Variants in HUWE1 observed in about 807,000 individuals in gnomAD.
The protein encoded by HUWE1 is E3 ubiquitin-protein ligase HUWE1.
HUWE1 carries 18 observed loss-of-function variants against 299.4 expected under a neutral mutation model. The ratio of observed to expected loss-of-function variants is 0.06; its 90% confidence interval spans 0.04 to 0.09. HUWE1 has a LOEUF of 0.09. Among genes scored for constraint, HUWE1 ranks in the 10% least tolerant of loss-of-function variants. The pLI is 1.00. For missense variants in HUWE1, 1,832 were observed against 3,462.3 expected (o/e 0.53, Z 11.82); for synonymous variants, 1,317 against 1,286.1 (o/e 1.02, Z -0.51).
intron 9 of HUWE1, 177 bp from the exon 10 acceptor site, chrX:53,631,791 G>T: frequency 6.7e-6 from 3 of 445,804 alleles, no homozygotes; most frequent in Non-Finnish European, 1.2e-5. Flanking sequence ...CATCTTATAT[G>T]TAGAATATTC....
chrX:53,606,093 A>G (rs2065137941), intron 25 of HUWE1, among the ~76,000 whole-genome samples: 1 of 112,198 alleles, frequency 8.9e-6, no homozygotes, highest in African/African-American at 3.2e-5. Context: ...ACAGGCAACA[A>G]AAACAAAAAA....
chrX:53,623,037 T>C lies in HUWE1; in HGVS notation c.1672+1558A>G, dbSNP rs1444763682. Among the ~76,000 whole-genome samples the C allele has an allele frequency of 2.7e-5, 3 of 111,777 alleles. No homozygotes were observed. In the Admixed American group the frequency reaches 2.8e-4, roughly 11 times the overall value. ...TGTGAGGGATGAATTAAGAAAACCA[T>C]AGGGAAGGAAGTTGGACCTTCACTG... On this transcript the variant is annotated intron_variant, in intron 19 of 83. Transcript: ENST00000262854.
At chrX:53,536,006 C>A in intron 80 of HUWE1, 141 bp downstream of exon 80, 1 of 371,661 alleles carries the variant, frequency 2.7e-6, no homozygotes. Flanking sequence ...ATGTCACTCA[C>A]AAACACCTGC....
intron 23 of HUWE1, among the ~76,000 whole-genome samples, chrX:53,612,462 C>G (rs974660015): frequency 8.9e-6 from 1 of 112,036 alleles, no homozygotes; most frequent in Admixed American, 9.5e-5. Context: ...AGGCCTAGCT[C>G]TCTAAGCATT....
In HUWE1 at chrX:53,534,045, A is replaced by G. The variant is rs782725522; in HGVS notation, c.12984T>C (p.Asp4328=). ...NGIQKFQIHR[D]DRSTDRLPSA... is the part of the protein sequence containing the mutation. ...AAGGCAGGCGATCTGTGGACCTGTC[A>G]TCTCGATGGATCTGAAACTTCTGAA... The change falls in exon 83 of 84, where the codon GAT becomes GAC. Residue 4328 remains aspartate, a synonymous_variant. Transcript: ENST00000262854. The G allele has an allele frequency of 2.5e-6, 3 of 1,209,549 alleles. No homozygotes were observed. The African/African-American group carries it at 5.2e-5, about 21-fold the overall frequency.
chrX:53,563,318 C>G (rs782468442), intron 52 of HUWE1, among the ~76,000 whole-genome samples: 17 of 111,924 alleles, frequency 1.5e-4, no homozygotes, highest in African/African-American at 4.9e-4. Context: ...AGTAGGGTAC[C>G]TTTGCCATTT....
intron 49 of HUWE1, among the ~76,000 whole-genome samples, chrX:53,565,783 C>T (rs992318970): frequency 1.8e-5 from 2 of 109,916 alleles, no homozygotes; most frequent in Non-Finnish European, 3.8e-5. Flanking sequence ...AGGCGTGAGC[C>T]ACCATGCCCA....
chrX:53,667,224 TAC>T (rs1270234905), intron 3 of HUWE1, among the ~76,000 whole-genome samples: 2 of 112,611 alleles, frequency 1.8e-5, no homozygotes, highest in African/African-American at 6.4e-5. Flanking sequence ...ATTTGCATAA[TAC>T]AGAGTATATC....
Position 53,593,385 on chromosome X carries a change from G to A in HUWE1, c.3720C>T (p.Arg1240=), listed in dbSNP as rs2064269596. The A allele has an allele frequency of 6.7e-6, 8 of 1,196,944 alleles. No individual in the cohort carries two copies. The highest frequency in any genetic ancestry group is 9.1e-6 in the Non-Finnish European group (8 of 882,052). ...VQNFPQFSAL[R]FLVVTQKAAF... is the part of the protein sequence containing the mutation. ...TCACTTTCTGAGTTACCACAAGGAAGCGCAGTGCACTGAACTGGGGAAAGT... is the reference window on the plus strand; with the variant it reads ...TCACTTTCTGAGTTACCACAAGGAAACGCAGTGCACTGAACTGGGGAAAGT... Residue 1240 remains arginine, a synonymous_variant, in exon 32 of 84, where the codon CGC becomes CGT. Transcript: ENST00000262854.
chrX:53,599,992 A>G, intron 29 of HUWE1, 126 bp downstream of exon 29: 1 of 601,124 alleles, frequency 1.7e-6, no homozygotes, highest in Admixed American at 2.4e-5. Flanking sequence ...AACAAAGGAC[A>G]CTTAAAAATG....
intron 3 of HUWE1, among the ~76,000 whole-genome samples, chrX:53,671,650 G>A (rs191920552): frequency 8.2e-5 from 9 of 110,309 alleles, no homozygotes; most frequent in Admixed American, 3.8e-4. Context: ...AAAATTAGCC[G>A]GGCGAGGTGG....
At position 53,653,166 on chromosome X, in the gene HUWE1, A is replaced by C. The variant is rs77949392; in HGVS notation, c.45+897T>G. ...GTCTCAAAACAAACAAACAAACAAA[A>C]AAAACTGGAAGAAATGCAGCAAAAT... On this transcript the variant is annotated intron_variant, in intron 4 of 83. Transcript: ENST00000262854. Among the ~76,000 whole-genome samples the C allele has an allele frequency of 2.8e-4, 32 of 112,390 alleles. 1 individual carries two copies. In the East Asian group the frequency reaches 7.5e-3, roughly 26 times the overall value.
intron 2 of HUWE1, chrX:53,683,820 C>A (rs782372767): frequency 7.9e-5 from 19 of 241,873 alleles, no homozygotes; most frequent in African/African-American, 5.3e-4. Flanking sequence ...GCCATCTTAA[C>A]AGCAGGCGGA....
At chrX:53,536,919 A>G (rs1443168923) in intron 78 of HUWE1, among the ~76,000 whole-genome samples, 3 of 112,445 alleles carry the variant, frequency 2.7e-5, no homozygotes, top group Non-Finnish European at 5.6e-5. Flanking sequence ...TAGGAAAGGT[A>G]TCAGAGAAAT....
chrX:53,556,638 T>C (rs893768580), intron 60 of HUWE1, among the ~76,000 whole-genome samples: 19 of 111,429 alleles, frequency 1.7e-4, no homozygotes, highest in African/African-American at 6.2e-4. Flanking sequence ...ATAGGAAACA[T>C]ACGGCAGTCA....
chrX:53,683,363 A>AC (rs1295620135), intron 2 of HUWE1, among the ~76,000 whole-genome samples: 2 of 110,801 alleles, frequency 1.8e-5, no homozygotes, highest in Admixed American at 1.9e-4. Flanking sequence ...GGCGAAGATG[A>AC]CCCCACCTCG....
intron 17 of HUWE1, among the ~76,000 whole-genome samples, chrX:53,626,408 T>TA (rs1347358389): frequency 9.0e-6 from 1 of 111,013 alleles, no homozygotes; most frequent in Non-Finnish European, 1.9e-5. Flanking sequence ...TTAATAAATA[T>TA]AAAAAGCATG....
intron 68 of HUWE1, 54 bp from the exon 69 acceptor site, chrX:53,546,879 G>A: frequency 8.5e-7 from 1 of 1,170,572 alleles, no homozygotes; most frequent in Non-Finnish European, 1.1e-6. Flanking sequence ...ACAAGCCAGG[G>A]ACTAAGTGAC....
intron 7 of HUWE1, among the ~76,000 whole-genome samples, chrX:53,640,819 G>A (rs1255650515): frequency 1.4e-4 from 16 of 112,040 alleles, no homozygotes; most frequent in African/African-American, 4.5e-4. Flanking sequence ...AAACATACCC[G>A]ATACTTTATA....
Sources: gnomAD v4.1 joint callset for allele counts (sites outside exome capture counted in the v4.1 genomes callset) on GRCh38, gnomAD v4.1.1 for gene constraint, MANE v1.5 for transcripts, NCBI Gene and HGNC (gene_info 2026-07-23, HGNC 2026-07-21) for gene names.